The following ERGIC3 variants were observed in gnomAD, a reference collection of about 807,000 sequenced individuals.
ERGIC3 encodes endoplasmic reticulum-Golgi intermediate compartment protein 3.
Under a neutral mutation model 54.7 loss-of-function variants are expected in ERGIC3, and 33 were observed. The observed-to-expected ratio is 0.60, with a 90% CI of 0.46 to 0.81. ERGIC3 has a LOEUF of 0.81. Among genes scored for constraint, ERGIC3 ranks in the 30% least tolerant of loss-of-function variants. The pLI is 0.00. For synonymous variants in ERGIC3, 186 were observed against 189.8 expected (o/e 0.98, Z 0.16); for missense variants, 399 against 488.4 (o/e 0.82, Z 1.73).
intron 4 of ERGIC3, chr20:35,544,546 G>A (rs994619695): frequency 4.3e-5 from 12 of 276,350 alleles, no homozygotes; most frequent in Admixed American, 1.9e-4. Flanking sequence ...TTGAGGGCCC[G>A]TTTGTCCTTG....
intron 4 of ERGIC3, 182 bp from the exon 5 acceptor site, chr20:35,547,230 C>G (rs930600254): frequency 1.2e-5 from 7 of 571,254 alleles, no homozygotes; most frequent in Non-Finnish European, 2.2e-5. Flanking sequence ...CTTACTGTTT[C>G]TTTTATTAAA....
intron 4 of ERGIC3, chr20:35,544,930 G>A (rs1363846375): frequency 6.9e-6 from 1 of 145,524 alleles, no homozygotes; most frequent in Non-Finnish European, 1.5e-5. Context: ...AGCCTTCTGA[G>A]TAGCTGGGGT....
Position 35,555,032 on chromosome 20 carries a change from C to G in ERGIC3, c.686-12C>G. ...TGACGCCTTCTCCCTTGCCTTCTCC[C>G]TTCTCTCCTAGTCCATGACTTGCAG... On this transcript the variant is annotated splice_polypyrimidine_tract_variant and intron_variant, in intron 7 of 12. Coordinates refer to ENST00000348547, the MANE Select transcript of ERGIC3 (RefSeq NM_015966.3). 2 of 1,611,994 alleles carry G rather than the reference C, an allele frequency of 1.2e-6. No homozygotes were observed.
chr20:35,556,506 C>T (rs569511735), intron 10 of ERGIC3: 28 of 559,654 alleles, frequency 5.0e-5, no homozygotes, highest in East Asian at 4.7e-4. Context: ...TCCGTTCCTC[C>T]GGTGCCCACC....
chr20:35,557,530 C>CTCTT lies in ERGIC3; in HGVS notation c.*30_*33dup. Reference sequence around the variant, plus strand: ...TCACCCTCGGTGCTTCCTCTGTCTCCTCTTTCTCCCTGGCCTGTGGTTGTC... The same window carrying CTCTT: ...TCACCCTCGGTGCTTCCTCTGTCTCCTCTTTCTTTCTCCCTGGCCTGTGGTTGTC... On this transcript the variant is annotated 3_prime_UTR_variant, in exon 13 of 13. Transcript: ENST00000348547. 2 of 1,604,202 alleles carry CTCTT rather than the reference C, an allele frequency of 1.2e-6. No individual in the cohort carries two copies. Among genetic ancestry groups the CTCTT allele is most frequent in the Non-Finnish European group, 1.7e-6 (2 of 1,171,410 alleles).
chr20:35,552,376 C>A (rs973059972), intron 7 of ERGIC3, among the ~76,000 whole-genome samples: 3 of 152,172 alleles, frequency 2.0e-5, no homozygotes, highest in Admixed American at 2.0e-4. Context: ...GCCCTAGGGC[C>A]TCCCTGGAGT....
At position 35,542,848 on chromosome 20, in the gene ERGIC3, G is replaced by A; in HGVS notation, c.274G>A (p.Ala92Thr). The change falls in exon 4 of 13, where the codon GCC (alanine) becomes ACC (threonine). Residue 92 changes from alanine to threonine, a missense_variant. By Grantham distance (58) the Ala-to-Thr change is moderately conservative. Transcript: ENST00000348547. Reference sequence around the variant, plus strand: ...TCTGAGTATTGATGCCATGGATGTGGCCGGAGAACAGCAGCTGGATGTGGA... The same window carrying A: ...TCTGAGTATTGATGCCATGGATGTGACCGGAGAACAGCAGCTGGATGTGGA... ...AYLSIDAMDV[A>T]GEQQLDVEHN... The A allele has an allele frequency of 6.2e-7, 1 of 1,614,082 alleles. No homozygotes were observed. Among genetic ancestry groups the A allele is most frequent in the Middle Eastern group, 1.6e-4 (1 of 6,062 alleles).
intron 7 of ERGIC3, among the ~76,000 whole-genome samples, chr20:35,553,020 A>AGTTTTTTTTTTTTTTT (rs2064689668): frequency 1.2e-4 from 5 of 41,560 alleles, no homozygotes; most frequent in Non-Finnish European, 1.7e-4. Context: ...AAAGCTGGGG[A>AGTTTTTTTTTTTTTTT]TTTTTTTTTT....
Position 35,548,877 on chromosome 20 carries a change from G to T in ERGIC3, c.685+12G>T. The T allele has an allele frequency of 6.2e-7, 1 of 1,613,990 alleles. No homozygotes were observed. Among genetic ancestry groups the T allele is most frequent in the Non-Finnish European group, 8.5e-7 (1 of 1,179,898 alleles). On this transcript the variant is annotated intron_variant, in intron 7 of 12. Coordinates refer to ENST00000348547, the MANE Select transcript of ERGIC3 (RefSeq NM_015966.3). Reference sequence around the variant, plus strand: ...GTCCCATGTGCACGGTGAGTGATCTGCACTAGCTGGGGAGATTTAGATGCT... The same window carrying T: ...GTCCCATGTGCACGGTGAGTGATCTTCACTAGCTGGGGAGATTTAGATGCT...
intron 4 of ERGIC3, chr20:35,543,883 A>G (rs2064631171): frequency 5.9e-6 from 2 of 339,506 alleles, no homozygotes; most frequent in East Asian, 7.5e-5. Context: ...TAGTAGTTTG[A>G]TACAATAAAA....
Position 35,548,640 on chromosome 20 carries a change from G to C in ERGIC3, c.593G>C (p.Gly198Ala), listed in dbSNP as rs768095192. ...AAGATGCAGGAGCAGAAGAATGAAG[G>C]CTGCCAGGTGTATGGCTTCTTGGAA... is the stretch of plus-strand genomic sequence containing the variant. ...SQKMQEQKNE[G>A]CQVYGFLEVN... Residue 198 changes from glycine (G) to alanine (A), a missense_variant, in exon 6 of 13, where the codon GGC becomes GCC. By Grantham distance (60) the Gly-to-Ala change is moderately conservative. Coordinates refer to ENST00000348547, the MANE Select transcript of ERGIC3 (RefSeq NM_015966.3). 1 of 1,614,244 alleles carries C rather than the reference G, an allele frequency of 6.2e-7. No homozygotes were observed. Among genetic ancestry groups the C allele is most frequent in the South Asian group, 1.1e-5 (1 of 91,088 alleles).
chr20:35,554,692 T>G (rs902026297), intron 7 of ERGIC3, among the ~76,000 whole-genome samples: 1 of 152,162 alleles, frequency 6.6e-6, no homozygotes, highest in African/African-American at 2.4e-5. Context: ...CACCTCACTT[T>G]GAGGTTCAGT....
intron 1 of ERGIC3, 37 bp downstream of exon 1, chr20:35,542,222 G>A (rs375645156): frequency 1.3e-6 from 2 of 1,590,760 alleles, no homozygotes; most frequent in Non-Finnish European, 8.6e-7. Flanking sequence ...GTGGAGGGGG[G>A]CGTCCTAGAG....
rs540277990 is a variant in ERGIC3, at chr20:35,547,449, C to T, written c.405C>T (p.Asp135=). ...GKVEVTVFDP[D]SLDPDRCESC... The stretch of plus-strand genomic sequence containing the variant: ...TCGAGGTGACGGTGTTTGACCCTGA[C>T]TCCCTGGACCCTGATCGCTGTGAGA... Residue 135 remains aspartate (D), a synonymous_variant, in exon 5 of 13, where the codon GAC becomes GAT. Transcript: ENST00000348547. 3.1e-6 allele frequency: 5 copies of T among 1,614,072 alleles called. No homozygotes were observed. The highest frequency in any genetic ancestry group is 4.2e-6 in the Non-Finnish European group (5 of 1,180,040).
chr20:35,557,425 T>C lies in ERGIC3; in HGVS notation c.1073T>C (p.Val358Ala). 6.2e-7 allele frequency: 1 copy of C among 1,614,086 alleles called. No homozygotes were observed. Among genetic ancestry groups the C allele is most frequent in the Non-Finnish European group, 8.5e-7 (1 of 1,179,982 alleles). The change falls in exon 13 of 13, where the codon GTG becomes GCG. Residue 358 changes from valine (V) to alanine (A), a missense_variant and splice_region_variant. By Grantham distance (64) the Val-to-Ala change is moderately conservative. Coordinates refer to ENST00000348547, the MANE Select transcript of ERGIC3 (RefSeq NM_015966.3). ...VCAIIGGMFT[V>A]AGLIDSLIYH... ...GTGCCAGCCCTTGTCTCTCTCCCAGTGGCTGGACTCATCGATTCGCTCATC... is the reference window on the plus strand; with the variant it reads ...GTGCCAGCCCTTGTCTCTCTCCCAGCGGCTGGACTCATCGATTCGCTCATC...
rs764371800 is a variant in ERGIC3, at chr20:35,557,513, G to A, written c.*9G>A. On this transcript the variant is annotated 3_prime_UTR_variant, in exon 13 of 13. Transcript: ENST00000348547. ...TAGGGAAGACAACGTAGTCACCCTC[G>A]GTGCTTCCTCTGTCTCCTCTTTCTC... is the stretch of plus-strand genomic sequence containing the variant. The A allele has an allele frequency of 2.0e-5, 33 of 1,613,084 alleles. No individual in the cohort carries two copies. Among genetic ancestry groups the A allele is most frequent in the Admixed American group, 3.3e-5 (2 of 60,000 alleles).
chr20:35,555,985 C>A, intron 8 of ERGIC3, 48 bp from the exon 9 acceptor site: 1 of 1,579,916 alleles, frequency 6.3e-7, no homozygotes, highest in Non-Finnish European at 8.7e-7. Context: ...TCCCTGTCTG[C>A]TACTGTCATC....
rs1261963361 is a variant in ERGIC3, at chr20:35,554,674, T to G, written c.686-370T>G. Among the ~76,000 whole-genome samples, 5 of 152,156 alleles carry G rather than the reference T, an allele frequency of 3.3e-5. 1 individual carries two copies. Among genetic ancestry groups the G allele is most frequent in the South Asian group, 4.1e-4 (2 of 4,832 alleles). Reference sequence around the variant, plus strand: ...GGCAGGGAAAGTGTGGATGGCATTCTCAGATCCCACCTCACTTTGAGGTTC... The same window carrying G: ...GGCAGGGAAAGTGTGGATGGCATTCGCAGATCCCACCTCACTTTGAGGTTC... On this transcript the variant is annotated intron_variant, in intron 7 of 12. Transcript: ENST00000348547.
chr20:35,543,617 G>A lies in ERGIC3; in HGVS notation c.367+676G>A, dbSNP rs138417485. ...CAAAGCTGGGATTTCTAACACCTTAGAGATTACTCTGGTGGGGAGTTTTAT... is the reference window on the plus strand; with the variant it reads ...CAAAGCTGGGATTTCTAACACCTTAAAGATTACTCTGGTGGGGAGTTTTAT... On this transcript the variant is annotated intron_variant, in intron 4 of 12. Transcript: ENST00000348547. The A allele has an allele frequency of 4.5e-5, 21 of 471,304 alleles. No individual in the cohort carries two copies. The East Asian group carries it at 1.3e-3, about 30-fold the overall frequency. 29.2% of individuals were successfully genotyped at this position (471,304 alleles called of 1,614,324 possible).
Sources: gnomAD v4.1 joint callset for allele counts (sites outside exome capture counted in the v4.1 genomes callset) on GRCh38, gnomAD v4.1.1 for gene constraint, MANE v1.5 for transcripts, NCBI Gene and HGNC (gene_info 2026-07-23, HGNC 2026-07-21) for gene names.